The following PDE11A variants were observed in gnomAD, a reference collection of about 807,000 sequenced individuals.
PDE11A encodes dual 3',5'-cyclic-AMP and -GMP phosphodiesterase 11A.
PDE11A carries 100 observed loss-of-function variants against 100.5 expected under a neutral mutation model. That is an observed-to-expected ratio of 1.00 (90% CI 0.85 to 1.18). PDE11A has a LOEUF of 1.18. PDE11A is among the 50% of genes most tolerant of loss of function. The pLI is 0.00. For missense variants in PDE11A, 1,141 were observed against 1,152.6 expected (o/e 0.99, Z 0.15); for synonymous variants, 381 against 420.8 (o/e 0.91, Z 1.16).
In PDE11A at chr2:178,071,598, G is replaced by C; in HGVS notation, c.840C>G (p.Val280=). Residue 280 remains valine, a synonymous_variant, in exon 1 of 20, where the codon GTC becomes GTG. Coordinates refer to ENST00000286063, the MANE Select transcript of PDE11A (RefSeq NM_016953.4). ...AGCCAATGATACCTTTGCCCCAGGG[G>C]ACCTGCACCTCATTTGAGTTCTCTG... is the stretch of plus-strand genomic sequence containing the variant. ...SSTENSNEVQ[V]PWGKGIIGYV... is the part of the protein sequence containing the mutation. 5.6e-6 allele frequency: 9 copies of C among 1,613,722 alleles called. No homozygotes were observed. The highest frequency in any genetic ancestry group is 7.6e-6 in the Non-Finnish European group (9 of 1,179,660).
intron 2 of PDE11A, among the ~76,000 whole-genome samples, chr2:178,006,807 C>T (rs1490519996): frequency 1.5e-5 from 1 of 68,836 alleles, no homozygotes; most frequent in East Asian, 5.1e-4. Flanking sequence ...CACTTAATTC[C>T]ATTTCTGTCA....
Position 178,069,333 on chromosome 2 carries a change from GA to G in PDE11A, c.912+2192del, listed in dbSNP as rs555778676. ...GGTGACTGTAGCGTCCCATAATAAA[GA>G]AAAAAAAGTAGCTTTATCAAAGAAG... On this transcript the variant is annotated intron_variant, in intron 1 of 19. Transcript: ENST00000286063. Among the ~76,000 whole-genome samples, 806 of 150,782 alleles carry G rather than the reference GA, an allele frequency of 5.3e-3. 3 individuals carry two copies. Among genetic ancestry groups the G allele is most frequent in the African/African-American group, 0.019 (772 of 41,194 alleles).
intron 1 of PDE11A, among the ~76,000 whole-genome samples, chr2:178,022,480 G>C (rs1401346274): frequency 2.1e-4 from 3 of 14,050 alleles, no homozygotes; most frequent in African/African-American, 2.3e-4. Context: ...AGACATAGAC[G>C]ATTTTTTTTT....
intron 2 of PDE11A, among the ~76,000 whole-genome samples, chr2:177,918,749 T>C (rs2084991203): frequency 6.6e-6 from 1 of 152,110 alleles, no homozygotes; most frequent in Non-Finnish European, 1.5e-5. Flanking sequence ...TTAAGCAAAA[T>C]ATAAATTAAC....
intron 1 of PDE11A, among the ~76,000 whole-genome samples, chr2:178,024,803 T>C (rs1379793862): frequency 6.6e-6 from 1 of 152,228 alleles, no homozygotes; most frequent in Non-Finnish European, 1.5e-5. Flanking sequence ...TTAATTCCAA[T>C]TCATAAAATC....
intron 1 of PDE11A, among the ~76,000 whole-genome samples, chr2:178,033,804 G>A (rs765012316): frequency 1.3e-5 from 2 of 152,032 alleles, no homozygotes; most frequent in Admixed American, 1.3e-4. Context: ...GCCAAACTAA[G>A]CTTCATAAGG....
intron 3 of PDE11A, among the ~76,000 whole-genome samples, 159 bp from the exon 4 acceptor site, chr2:177,898,357 T>C (rs1244224169): frequency 1.3e-5 from 2 of 152,240 alleles, no homozygotes; most frequent in African/African-American, 4.8e-5. Context: ...TTTTTATCTC[T>C]CAATTTTAGA....
intron 1 of PDE11A, among the ~76,000 whole-genome samples, chr2:178,042,784 A>AT (rs2086700496): frequency 6.6e-6 from 1 of 150,906 alleles, no homozygotes; most frequent in Admixed American, 6.7e-5. Context: ...AGCCTCTAAA[A>AT]TTATAACTAT....
intron 2 of PDE11A, among the ~76,000 whole-genome samples, chr2:177,983,826 A>T (rs971573608): frequency 6.6e-6 from 1 of 152,210 alleles, no homozygotes; most frequent in African/African-American, 2.4e-5. Flanking sequence ...TTAGTCAGCA[A>T]GTCTGTGTAA....
intron 2 of PDE11A, chr2:177,922,712 CT>C (rs751004815): frequency 5.1e-6 from 5 of 985,338 alleles, no homozygotes; most frequent in African/African-American, 1.7e-5. Flanking sequence ...AGCTACCTTT[CT>C]GGCTGTTCCA....
At chr2:177,791,031 TA>T (rs2082622992) in intron 9 of PDE11A, among the ~76,000 whole-genome samples, 1 of 152,142 alleles carries the variant, frequency 6.6e-6, no homozygotes, top group Admixed American at 6.5e-5. Flanking sequence ...GCCATCCCAT[TA>T]CTGGGTATAT....
intron 5 of PDE11A, among the ~76,000 whole-genome samples, chr2:177,875,569 G>A (rs10200643): frequency 0.062 from 9,443 of 151,632 alleles, 309 homozygotes; most frequent in South Asian, 0.09. Flanking sequence ...TTGTAGTAGA[G>A]ACGGCATTTC....
intron 1 of PDE11A, among the ~76,000 whole-genome samples, chr2:178,022,816 TA>T (rs2086429820): frequency 6.6e-6 from 1 of 152,198 alleles, no homozygotes; most frequent in South Asian, 2.1e-4. Flanking sequence ...AGATTTCTAA[TA>T]AATTAAGGTA....
At chr2:178,053,098 C>T (rs1181834751) in intron 1 of PDE11A, among the ~76,000 whole-genome samples, 4 of 152,082 alleles carry the variant, frequency 2.6e-5, no homozygotes, top group South Asian at 2.1e-4. Flanking sequence ...TGGTGAACAT[C>T]GATGTAAAAA....
intron 8 of PDE11A, 142 bp downstream of exon 8, chr2:177,817,716 T>G: frequency 1.6e-6 from 1 of 622,352 alleles, no homozygotes; most frequent in South Asian, 1.9e-5. Context: ...CATTTACATA[T>G]TCCTTAAATC....
At chr2:177,979,503 A>G (rs552898866) in intron 2 of PDE11A, among the ~76,000 whole-genome samples, 1 of 150,402 alleles carries the variant, frequency 6.6e-6, no homozygotes, top group East Asian at 1.9e-4. Flanking sequence ...ACACCTACAA[A>G]GAGGTAGGGT....
intron 10 of PDE11A, among the ~76,000 whole-genome samples, chr2:177,758,508 TG>T (rs1268562262): frequency 6.6e-6 from 1 of 152,070 alleles, no homozygotes; most frequent in Non-Finnish European, 1.5e-5. Flanking sequence ...TGCAGTATTC[TG>T]GGGAAAAGGA....
intron 10 of PDE11A, among the ~76,000 whole-genome samples, chr2:177,763,366 G>A (rs1428217146): frequency 6.6e-6 from 1 of 152,166 alleles, no homozygotes; most frequent in Non-Finnish European, 1.5e-5. Context: ...ATATAGCTTC[G>A]AGGTAATCTT....
intron 9 of PDE11A, among the ~76,000 whole-genome samples, chr2:177,798,831 A>G (rs1029845286): frequency 1.3e-5 from 2 of 152,206 alleles, no homozygotes; most frequent in African/African-American, 2.4e-5. Flanking sequence ...CTCTTCAAGG[A>G]GGTGGAGCAT....
Sources: gnomAD v4.1 joint callset for allele counts (sites outside exome capture counted in the v4.1 genomes callset) on GRCh38, gnomAD v4.1.1 for gene constraint, MANE v1.5 for transcripts, NCBI Gene and HGNC (gene_info 2026-07-23, HGNC 2026-07-21) for gene names.